The following FOXP2 variants were observed in gnomAD, a reference collection of about 807,000 sequenced individuals.
FOXP2 encodes the protein forkhead box P2, also known as forkhead box protein P2.
FOXP2 carries 12 observed loss-of-function variants against 115.8 expected under a neutral mutation model. That is an observed-to-expected ratio of 0.10 (90% confidence interval 0.07 to 0.17). FOXP2 has a LOEUF of 0.17. FOXP2 is among the 10% of genes least tolerant of loss of function. FOXP2 has a pLI of 1.00. For missense variants in FOXP2, 629 were observed against 843.5 expected (o/e 0.75, Z 3.15); for synonymous variants, 328 against 297.7 (o/e 1.10, Z -1.05).
chr7:114,142,969 G>A (rs1192520850), intron 1 of FOXP2, among the ~76,000 whole-genome samples: 3 of 151,788 alleles, frequency 2.0e-5, no homozygotes, highest in South Asian at 4.2e-4. Flanking sequence ...GCAACATGAC[G>A]AAACCTGTCT....
At chr7:114,586,201 C>G (rs1298547380) in intron 3 of FOXP2, among the ~76,000 whole-genome samples, 1 of 152,044 alleles carries the variant, frequency 6.6e-6, no homozygotes, top group Non-Finnish European at 1.5e-5. Flanking sequence ...AATGATTGAA[C>G]TAATTAAGAA....
At chr7:114,480,927 CTT>C (rs2129237328) in intron 2 of FOXP2, among the ~76,000 whole-genome samples, 1 of 151,240 alleles carries the variant, frequency 6.6e-6, no homozygotes, top group East Asian at 1.9e-4. Context: ...TGATGAAACA[CTT>C]AACTCCCAGT....
intron 2 of FOXP2, among the ~76,000 whole-genome samples, chr7:114,405,888 T>C (rs1468373602): frequency 6.6e-6 from 1 of 151,900 alleles, no homozygotes; most frequent in African/African-American, 2.4e-5. Context: ...TTTTTAATCA[T>C]GTGATACCTG....
chr7:114,689,002 A>C (rs977958752), intron 16 of FOXP2, among the ~76,000 whole-genome samples: 2 of 152,092 alleles, frequency 1.3e-5, no homozygotes, highest in African/African-American at 4.8e-5. Flanking sequence ...TTTATATATA[A>C]TATTTTTCCA....
intron 1 of FOXP2, among the ~76,000 whole-genome samples, chr7:114,206,844 A>G (rs2129160872): frequency 6.6e-6 from 1 of 152,308 alleles, no homozygotes; most frequent in Admixed American, 6.5e-5. Context: ...ACCATTTTAA[A>G]GTGTATGACT....
chr7:114,245,440 C>T (rs151188376), intron 1 of FOXP2, among the ~76,000 whole-genome samples: 1 of 152,284 alleles, frequency 6.6e-6, no homozygotes, highest in Admixed American at 6.5e-5. Flanking sequence ...TCCTCCTATC[C>T]TCTAAAGCCT....
chr7:114,125,461 C>G (rs1276432794), intron 1 of FOXP2, among the ~76,000 whole-genome samples: 3 of 152,142 alleles, frequency 2.0e-5, no homozygotes, highest in South Asian at 4.1e-4. Flanking sequence ...TATTAAGCCT[C>G]ACGTTAATAT....
chr7:114,617,099 A>G (rs1803992228), intron 3 of FOXP2, among the ~76,000 whole-genome samples: 1 of 152,140 alleles, frequency 6.6e-6, no homozygotes, highest in Non-Finnish European at 1.5e-5. Flanking sequence ...AATAAAAATT[A>G]AATTTAAAAG....
intron 2 of FOXP2, among the ~76,000 whole-genome samples, chr7:114,478,268 G>A (rs78420498): frequency 0.013 from 1,934 of 151,718 alleles, 36 homozygotes; most frequent in African/African-American, 0.043. Flanking sequence ...CAATGTTTTG[G>A]GGCCTCTTGG....
chr7:114,342,010 G>A (rs919511675), intron 2 of FOXP2, among the ~76,000 whole-genome samples: 3 of 151,234 alleles, frequency 2.0e-5, no homozygotes, highest in Non-Finnish European at 4.4e-5. Context: ...TTTGCACCTC[G>A]ATAAAATGGG....
chr7:114,616,863 C>T lies in FOXP2; in HGVS notation c.259-11677C>T, dbSNP rs181189057. ...CTCGAGGCTGGAAGATTGCTTGATT[C>T]TAGGAGTTCAAGACTAGCCTGGGCA... On this transcript the variant is annotated intron_variant, in intron 3 of 16. Transcript: ENST00000350908. Among the ~76,000 whole-genome samples the T allele has an allele frequency of 3.6e-3, 541 of 152,214 alleles. 1 individual carries two copies. The highest frequency in any genetic ancestry group is 6.8e-3 in the Middle Eastern group (2 of 292).
At position 114,642,809 on chromosome 7, in the gene FOXP2, TATA is replaced by T. The variant is rs1349802897; in HGVS notation, c.989+187_989+189del. Among the ~76,000 whole-genome samples, 95 of 37,878 alleles carry T rather than the reference TATA, an allele frequency of 2.5e-3. 1 individual carries two copies. The highest frequency in any genetic ancestry group is 0.012 in the South Asian group (15 of 1,300). 24.8% of individuals were successfully genotyped at this position (37,878 alleles called of 152,430 possible). On this transcript the variant is annotated intron_variant, in intron 7 of 16. Transcript: ENST00000350908. ...ATATATATATATATATATATATATA[TATA>T]TTTTTTTTTTTTTTTAGGCAGAGTC...
At chr7:114,536,125 A>G (rs1338351655) in intron 3 of FOXP2, among the ~76,000 whole-genome samples, 2 of 151,554 alleles carry the variant, frequency 1.3e-5, no homozygotes, top group African/African-American at 2.4e-5. Flanking sequence ...TATCCTCACT[A>G]TGGCTTCAGA....
At chr7:114,553,945 A>G (rs1463334402) in intron 3 of FOXP2, among the ~76,000 whole-genome samples, 2 of 152,026 alleles carry the variant, frequency 1.3e-5, no homozygotes, top group East Asian at 1.9e-4. Context: ...TTCCTTATTG[A>G]TGTTTTCTAG....
chr7:114,391,533 A>T (rs903656861), intron 2 of FOXP2, among the ~76,000 whole-genome samples: 1 of 152,206 alleles, frequency 6.6e-6, no homozygotes, highest in South Asian at 2.1e-4. Flanking sequence ...TAGGGTATGG[A>T]ACACATCTTA....
At chr7:114,567,390 C>A (rs1801078599) in intron 3 of FOXP2, among the ~76,000 whole-genome samples, 1 of 152,086 alleles carries the variant, frequency 6.6e-6, no homozygotes, top group Non-Finnish European at 1.5e-5. Context: ...GGTCACACCA[C>A]TATTAAGTGT....
intron 1 of FOXP2, among the ~76,000 whole-genome samples, chr7:114,257,059 A>T (rs1584584982): frequency 1.3e-5 from 2 of 152,346 alleles, no homozygotes; most frequent in South Asian, 2.1e-4. Flanking sequence ...ACAAGGCTAC[A>T]GTAAACAAAA....
At chr7:114,656,809 C>T (rs1334377871) in intron 10 of FOXP2, among the ~76,000 whole-genome samples, 1 of 152,048 alleles carries the variant, frequency 6.6e-6, no homozygotes, top group Non-Finnish European at 1.5e-5. Context: ...AATCTCTCTA[C>T]TGACTAAATG....
chr7:114,151,129 C>T (rs950878737), intron 1 of FOXP2, among the ~76,000 whole-genome samples: 4 of 151,766 alleles, frequency 2.6e-5, no homozygotes, highest in East Asian at 1.9e-4. Context: ...AAAAGGGAAA[C>T]GGGAAAAATG....
Sources: allele counts gnomAD v4.1 joint callset (sites outside exome capture counted in the v4.1 genomes callset), GRCh38; gene constraint gnomAD v4.1.1; transcripts MANE v1.5; gene names NCBI Gene and HGNC (gene_info 2026-07-23, HGNC 2026-07-21).